The following COQ8B variants were observed in gnomAD, a reference collection of about 807,000 sequenced individuals.
The protein encoded by COQ8B is coenzyme Q8B, also known as atypical kinase COQ8B, mitochondrial.
Under a neutral mutation model 62.0 loss-of-function variants are expected in COQ8B, and 44 were observed. That is an observed-to-expected ratio of 0.71 (90% CI 0.56 to 0.91). COQ8B has a LOEUF of 0.91. Ranked by LOEUF, COQ8B falls within the 40% of genes least tolerant of loss-of-function variation. COQ8B has a pLI of 0.00. For missense variants in COQ8B, 649 were observed against 731.6 expected, an observed-to-expected ratio of 0.89 and a Z score of 1.30; for synonymous variants, 252 against 289.9, an observed-to-expected ratio of 0.87 and a Z score of 1.33.
At chr19:40,712,743 T>C (rs1033562024) in intron 4 of COQ8B, among the ~76,000 whole-genome samples, 1 of 152,260 alleles carries the variant, frequency 6.6e-6, no homozygotes, top group Non-Finnish European at 1.5e-5. Context: ...TCTTTTTAAA[T>C]GCTGGTTGCA....
rs561598435 is a variant in COQ8B at position 40,692,950 on chromosome 19, C to T, written c.1296+1G>A. 6.2e-7 allele frequency: 1 copy of T among 1,613,872 alleles called. No individual in the cohort carries two copies. The highest frequency in any genetic ancestry group is 1.7e-5 in the Admixed American group (1 of 59,990). On this transcript the variant is annotated splice_donor_variant, in intron 14 of 14. Coordinates refer to ENST00000324464, the MANE Select transcript of COQ8B (RefSeq NM_024876.4). LOFTEE classifies it high-confidence loss of function. Reference sequence around the variant, plus strand: ...CCCTTTCTCCCCCAGTGTCTCCCCACCTTGGTTTCAAAGCCTGTGAGGAAT... The same window carrying T: ...CCCTTTCTCCCCCAGTGTCTCCCCATCTTGGTTTCAAAGCCTGTGAGGAAT...
intron 1 of COQ8B, chr19:40,714,869 G>T: frequency 7.6e-7 from 1 of 1,312,198 alleles, no homozygotes; most frequent in South Asian, 2.0e-5. Context: ...CCGTTGCTAG[G>T]GTCCGCCCCC....
chr19:40,700,081 C>G lies in COQ8B; in HGVS notation c.1129G>C (p.Ala377Pro), dbSNP rs770553076. The change falls in exon 12 of 15, where the codon GCC (alanine) becomes CCC (proline). Residue 377 changes from alanine (A) to proline (P), a missense_variant. Transcript: ENST00000324464. ...TAGGAACCAACCTGGTGGCTGGAGG[C>G]ATCATACAGGAAGTTGGCCCAGTTG... ...DPNWANFLYD[A>P]SSHQVTLLDF... 1.2e-6 allele frequency: 2 copies of G among 1,614,230 alleles called. No homozygotes were observed. Among genetic ancestry groups the G allele is most frequent in the Non-Finnish European group, 1.7e-6 (2 of 1,180,024 alleles).
chr19:40,705,496 C>A lies in COQ8B; in HGVS notation c.368-49G>T, dbSNP rs199880212. 173 of 1,493,134 alleles carry A rather than the reference C, an allele frequency of 1.2e-4. No individual in the cohort carries two copies. The African/African-American group carries it at 1.8e-3, about 16-fold the overall frequency. 92.5% of individuals were successfully genotyped at this position (1,493,134 alleles called of 1,614,324 possible). A position where few individuals can be genotyped will look rare whatever the true frequency, so the allele number is the denominator to read the frequency against. On this transcript the variant is annotated intron_variant, in intron 5 of 14. Coordinates refer to ENST00000324464, the MANE Select transcript of COQ8B (RefSeq NM_024876.4). ...ATTATAACCACAAATATCATCACTG[C>A]GGCCAGGCCCGGCGGCCCACGCCTG...
intron 1 of COQ8B, chr19:40,714,898 T>A: frequency 8.1e-7 from 1 of 1,229,838 alleles, no homozygotes; most frequent in Admixed American, 4.2e-5. Flanking sequence ...ACACCCACAG[T>A]TCCTCAGGGG....
intron 5 of COQ8B, among the ~76,000 whole-genome samples, chr19:40,705,808 T>C (rs1177485749): frequency 1.1e-4 from 17 of 151,828 alleles, no homozygotes; most frequent in Non-Finnish European, 1.5e-5. Flanking sequence ...CATGTGCCTG[T>C]AGTCCCAGCT....
Position 40,692,130 on chromosome 19 carries a change from C to T in COQ8B, c.1540G>A (p.Asp514Asn), listed in dbSNP as rs1282795049. 2 of 1,606,030 alleles carry T rather than the reference C, an allele frequency of 1.2e-6. No individual in the cohort carries two copies. The highest frequency in any genetic ancestry group is 1.7e-6 in the Non-Finnish European group (2 of 1,176,638). ...AHIACRDLFQ[D>N]TYHRYWASRQ... is the part of the protein sequence containing the mutation. ...CTGGCCCAGTAGCGGTGGTAGGTGT[C>T]CTGGAAGAGGTCCCTGCAGGCGATG... is the stretch of plus-strand genomic sequence containing the variant. Residue 514 changes from aspartate (D) to asparagine (N), a missense_variant, in exon 15 of 15, where the codon GAC becomes AAC. Coordinates refer to ENST00000324464, the MANE Select transcript of COQ8B (RefSeq NM_024876.4).
At chr19:40,699,071 C>A (rs1405819833) in intron 12 of COQ8B, among the ~76,000 whole-genome samples, 2 of 151,822 alleles carry the variant, frequency 1.3e-5, no homozygotes, top group Non-Finnish European at 2.9e-5. Flanking sequence ...GCCTCAGCAT[C>A]CCAAAGTGCT....
chr19:40,703,734 T>TCCGTC lies in COQ8B; in HGVS notation c.693_697dup (p.Glu233GlyfsTer6). On this transcript the variant is annotated frameshift_variant, in exon 8 of 15. Coordinates refer to ENST00000324464, the MANE Select transcript of COQ8B (RefSeq NM_024876.4). LOFTEE classifies it high-confidence loss of function. ...TCTCACCTGGATCTTCACGGCCACC[T>TCCGTC]CCGTCCCGTCCCTCAGCAGGCCCTG... 6.2e-7 allele frequency: 1 copy of TCCGTC among 1,613,946 alleles called. No homozygotes were observed. Among genetic ancestry groups the TCCGTC allele is most frequent in the Non-Finnish European group, 8.5e-7 (1 of 1,179,986 alleles).
intron 14 of COQ8B, among the ~76,000 whole-genome samples, 186 bp from the exon 15 acceptor site, chr19:40,692,559 C>T (rs1189684081): frequency 6.6e-6 from 1 of 151,994 alleles, no homozygotes; most frequent in Non-Finnish European, 1.5e-5. Flanking sequence ...GCTGCCTATT[C>T]CCCGAGTAAG....
intron 4 of COQ8B, among the ~76,000 whole-genome samples, chr19:40,711,332 A>G (rs1568443250): frequency 6.6e-6 from 1 of 151,968 alleles, no homozygotes; most frequent in Non-Finnish European, 1.5e-5. Context: ...CCTGAGCTCA[A>G]GTGATCCTCT....
In COQ8B at chr19:40,695,947, G is replaced by A. The variant is rs187371953; in HGVS notation, c.1209+42C>T. 1,029 of 1,596,020 alleles carry A rather than the reference G, an allele frequency of 6.4e-4. 8 individuals carry two copies. In the African/African-American group the frequency reaches 0.012, roughly 19 times the overall value. ...TCCTCTGCCTCAGTATATGGCTTGAGCCTCAGCCTTTCAGAGGCCCTGGGG... is the reference window on the plus strand; with the variant it reads ...TCCTCTGCCTCAGTATATGGCTTGAACCTCAGCCTTTCAGAGGCCCTGGGG... On this transcript the variant is annotated intron_variant, in intron 13 of 14. Coordinates refer to ENST00000324464, the MANE Select transcript of COQ8B (RefSeq NM_024876.4).
chr19:40,695,626 G>A (rs2144684100), intron 13 of COQ8B, among the ~76,000 whole-genome samples: 2 of 152,244 alleles, frequency 1.3e-5, no homozygotes, highest in East Asian at 3.9e-4. Context: ...GAGGGAGCTG[G>A]GCAGTGGTTG....
intron 13 of COQ8B, 127 bp downstream of exon 13, chr19:40,695,862 T>C: frequency 1.0e-6 from 1 of 975,260 alleles, no homozygotes; most frequent in Non-Finnish European, 1.6e-6. Context: ...TGCTAGTTGC[T>C]ACGAGTATTA....
In COQ8B at chr19:40,703,865, G is replaced by A. The variant is rs1159663391; in HGVS notation, c.577-10C>T. Reference sequence around the variant, plus strand: ...CCTCTTCAAGAACTCTCTGCGGGGAGTGGTCACAGCCATCATCATTGTGGC... The same window carrying A: ...CCTCTTCAAGAACTCTCTGCGGGGAATGGTCACAGCCATCATCATTGTGGC... On this transcript the variant is annotated splice_polypyrimidine_tract_variant and intron_variant, in intron 7 of 14. Coordinates refer to ENST00000324464, the MANE Select transcript of COQ8B (RefSeq NM_024876.4). The A allele has an allele frequency of 1.9e-6, 3 of 1,603,446 alleles. No individual in the cohort carries two copies. Among genetic ancestry groups the A allele is most frequent in the African/African-American group, 2.7e-5 (2 of 74,938 alleles).
chr19:40,709,936 T>C, intron 5 of COQ8B, 123 bp downstream of exon 5: 1 of 899,008 alleles, frequency 1.1e-6, no homozygotes, highest in Non-Finnish European at 1.8e-6. Flanking sequence ...CTCTAAGAGG[T>C]GGGTAAATTA....
chr19:40,692,018 A>G lies in COQ8B; in HGVS notation c.*17T>C. The stretch of plus-strand genomic sequence containing the variant: ...GGGTACGGCCTGCTCTGGGGACTGA[A>G]TCCCCCATGGAGGCTGTCATGAGGG... On this transcript the variant is annotated 3_prime_UTR_variant, in exon 15 of 15. Transcript: ENST00000324464. The G allele has an allele frequency of 6.3e-7, 1 of 1,578,160 alleles. No homozygotes were observed. The highest frequency in any genetic ancestry group is 1.9e-4 in the Middle Eastern group (1 of 5,178).
rs754444229 is a variant in COQ8B, at chr19:40,696,035, C to T, written c.1163G>A (p.Gly388Asp). Residue 388 changes from glycine (G) to aspartate (D), a missense_variant, in exon 13 of 15, where the codon GGT (glycine) becomes GAT (aspartate). Physicochemically the swap from Gly to Asp is moderately conservative, Grantham distance 94. Coordinates refer to ENST00000324464, the MANE Select transcript of COQ8B (RefSeq NM_024876.4). ...SSHQVTLLDF[G>D]ASREFGTEFT... ...CTCTGTCCCAAACTCCCGGCTTGCA[C>T]CAAAGTCCAGCAGGGTCACCTGGAA... The T allele has an allele frequency of 1.2e-6, 2 of 1,614,084 alleles. No individual in the cohort carries two copies.
Position 40,702,627 on chromosome 19 carries a change from C to A in COQ8B, c.866G>T (p.Arg289Leu), listed in dbSNP as rs753935943. 6.2e-7 allele frequency: 1 copy of A among 1,612,586 alleles called. No individual in the cohort carries two copies. The highest frequency in any genetic ancestry group is 1.1e-5 in the South Asian group (1 of 91,092). ...QELAWECDYRREAACAQNFRQ... is the reference protein window; with the variant it reads ...QELAWECDYRLEAACAQNFRQ... Reference sequence around the variant, plus strand: ...GAAATTCTGGGCACAAGCCGCCTCACGACGGTAGTCACACTCCCAAGCCAG... The same window carrying A: ...GAAATTCTGGGCACAAGCCGCCTCAAGACGGTAGTCACACTCCCAAGCCAG... Residue 289 changes from arginine to leucine, a missense_variant, in exon 10 of 15, where the codon CGT becomes CTT. Arg to Leu is a moderately radical substitution (Grantham distance 102). Transcript: ENST00000324464.
Sources: allele counts gnomAD v4.1 joint callset (sites outside exome capture counted in the v4.1 genomes callset), GRCh38; gene constraint gnomAD v4.1.1; transcripts MANE v1.5; gene names NCBI Gene and HGNC (gene_info 2026-07-23, HGNC 2026-07-21).